Variants in MME observed in about 807,000 individuals in gnomAD.
The protein encoded by MME is membrane metalloendopeptidase.
A neutral mutation model predicts 113.2 loss-of-function variants in MME; 98 were observed. That is an observed-to-expected ratio of 0.87 (90% confidence interval 0.74 to 1.02). MME has a LOEUF of 1.02. MME is among the 50% of genes least tolerant of loss of function. The probability of loss-of-function intolerance (pLI) is 0.00; values close to 1 mark genes in which losing one functional copy is unlikely to be tolerated. For missense variants in MME, 836 were observed against 896.0 expected, an observed-to-expected ratio of 0.93 and a Z score of 0.86; for synonymous variants, 292 against 300.6, an observed-to-expected ratio of 0.97 and a Z score of 0.30.
chr3:155,148,736 CAGTT>C (rs1721711941), intron 16 of MME, 83 bp downstream of exon 16: 11 of 1,030,748 alleles, frequency 1.1e-5, no homozygotes, highest in South Asian at 9.4e-5. Context: ...GAAAGAGCCT[CAGTT>C]AGAAAAATAT....
rs562506637 is a variant in MME at position 155,118,655 on chromosome 3, C to T, written c.655-91C>T. On this transcript the variant is annotated intron_variant, in intron 7 of 22. Coordinates refer to ENST00000360490, the MANE Select transcript of MME (RefSeq NM_007289.4). Reference sequence around the variant, plus strand: ...ACCCCATAAACAGCAAGAGTAGGATCTTTCACATACATAGATAGACATGCT... The same window carrying T: ...ACCCCATAAACAGCAAGAGTAGGATTTTTCACATACATAGATAGACATGCT... 23 of 847,182 alleles carry T rather than the reference C, an allele frequency of 2.7e-5. No homozygotes were observed. The East Asian group carries it at 5.3e-4, about 20-fold the overall frequency. The allele number at this position is 847,182 out of a possible 1,614,324, so 52.5% of individuals were successfully genotyped here.
At chr3:155,111,017 G>A (rs937451998) in intron 3 of MME, among the ~76,000 whole-genome samples, 1 of 152,208 alleles carries the variant, frequency 6.6e-6, no homozygotes, top group Non-Finnish European at 1.5e-5. Flanking sequence ...AGATGTCAGA[G>A]ATCCACAGAT....
intron 8 of MME, among the ~76,000 whole-genome samples, chr3:155,136,754 T>C (rs1720668069): frequency 6.6e-6 from 1 of 152,206 alleles, no homozygotes; most frequent in African/African-American, 2.4e-5. Context: ...ATATGGATGT[T>C]CCTTCCACTT....
chr3:155,080,721 T>G (rs917206764), intron 1 of MME, among the ~76,000 whole-genome samples: 12 of 152,158 alleles, frequency 7.9e-5, no homozygotes, highest in African/African-American at 2.9e-4. Context: ...ATAAGGGTAA[T>G]TGCAACCAAA....
chr3:155,161,169 T>C (rs1319458868), intron 17 of MME, among the ~76,000 whole-genome samples: 1 of 152,124 alleles, frequency 6.6e-6, no homozygotes, highest in Non-Finnish European at 1.5e-5. Context: ...TGAACATACA[T>C]TGGCTCACAT....
chr3:155,098,449 G>A (rs1267718394), intron 3 of MME, among the ~76,000 whole-genome samples: 4 of 151,848 alleles, frequency 2.6e-5, no homozygotes, highest in African/African-American at 4.8e-5. Flanking sequence ...CCAGCTACTC[G>A]GGAGGCTGAG....
At chr3:155,167,046 T>C in intron 18 of MME, 25 bp downstream of exon 18, 1 of 1,613,174 alleles carries the variant, frequency 6.2e-7, no homozygotes, top group Non-Finnish European at 8.5e-7. Flanking sequence ...ACATTTTCCT[T>C]TGGCTGAGGT....
intron 16 of MME, among the ~76,000 whole-genome samples, chr3:155,157,568 T>C (rs1316452237): frequency 6.6e-6 from 1 of 152,108 alleles, no homozygotes; most frequent in Non-Finnish European, 1.5e-5. Flanking sequence ...CCTGTTAATT[T>C]AGTTTTTATA....
chr3:155,125,274 G>C (rs1397593158), intron 8 of MME, among the ~76,000 whole-genome samples: 1 of 127,408 alleles, frequency 7.8e-6, no homozygotes, highest in African/African-American at 2.6e-5. Flanking sequence ...CCCTGCTTCG[G>C]CTCACGCACG....
upstream of MME, among the ~76,000 whole-genome samples, chr3:155,076,940 G>C (rs1047215460): frequency 6.6e-6 from 1 of 152,122 alleles, no homozygotes; most frequent in Non-Finnish European, 1.5e-5. Context: ...TGGCCATCTT[G>C]GTTTTGGTAG....
intron 4 of MME, among the ~76,000 whole-genome samples, chr3:155,115,794 G>A (rs1284375056): frequency 6.6e-6 from 1 of 152,116 alleles, no homozygotes; most frequent in East Asian, 1.9e-4. Context: ...ACCTACTTCT[G>A]TAGTCTCCCT....
At chr3:155,167,468 T>C (rs887183000) in intron 18 of MME, among the ~76,000 whole-genome samples, 5 of 151,978 alleles carry the variant, frequency 3.3e-5, no homozygotes, top group African/African-American at 9.7e-5. Context: ...TTGTACCTAC[T>C]ACCTAGTTCA....
chr3:155,101,724 A>G (rs1242090893), intron 3 of MME, among the ~76,000 whole-genome samples: 4 of 152,034 alleles, frequency 2.6e-5, no homozygotes, highest in Non-Finnish European at 5.9e-5. Flanking sequence ...CCCTCCTCAC[A>G]GCTGCCGTGG....
At chr3:155,070,050 A>G (rs191324714) in intron 1 of MME, among the ~76,000 whole-genome samples, 31 of 152,352 alleles carry the variant, frequency 2.0e-4, no homozygotes, top group Non-Finnish European at 4.3e-4. Flanking sequence ...CAAACAGACA[A>G]CAACTCTCCT....
At chr3:155,028,287 G>T (rs1328534482) in intron 1 of MME, among the ~76,000 whole-genome samples, 2 of 152,174 alleles carry the variant, frequency 1.3e-5, no homozygotes, top group East Asian at 1.9e-4. Context: ...GGATTAATGT[G>T]GCACAACCTA....
rs1023462940 is a variant in MME at position 155,132,869 on chromosome 3, C to T, written c.721-5233C>T. On this transcript the variant is annotated intron_variant, in intron 8 of 22. Transcript: ENST00000360490. ...AGGAGTTCAAGACCAGCCTGACCAA[C>T]GTAGTGAAACCCCGTCTCTACTAAA... Among the ~76,000 whole-genome samples, 7 of 151,164 alleles carry T rather than the reference C, an allele frequency of 4.6e-5. No homozygotes were observed. In the East Asian group the frequency reaches 5.9e-4, roughly 13 times the overall value.
intron 1 of MME, among the ~76,000 whole-genome samples, chr3:155,045,260 C>T (rs1216576844): frequency 1.3e-5 from 2 of 151,978 alleles, no homozygotes; most frequent in East Asian, 3.9e-4. Flanking sequence ...AGACGATTCC[C>T]CTGCCTCAGC....
chr3:155,144,002 G>A (rs897432243), intron 13 of MME, among the ~76,000 whole-genome samples: 6 of 152,138 alleles, frequency 3.9e-5, no homozygotes, highest in Non-Finnish European at 7.4e-5. Context: ...TTAATGGTAT[G>A]GTGAAAGAAT....
intron 22 of MME, among the ~76,000 whole-genome samples, chr3:155,176,919 T>C (rs1712592107): frequency 6.6e-6 from 1 of 152,118 alleles, no homozygotes; most frequent in Non-Finnish European, 1.5e-5. Flanking sequence ...TGTTGATCTA[T>C]TCAGGATCAA....
Sources: gnomAD v4.1 joint callset for allele counts (sites outside exome capture counted in the v4.1 genomes callset) on GRCh38, gnomAD v4.1.1 for gene constraint, MANE v1.5 for transcripts, NCBI Gene and HGNC (gene_info 2026-07-23, HGNC 2026-07-21) for gene names.